SCAND3: variants seen among roughly 807,000 people sequenced by gnomAD.
The protein encoded by SCAND3 is SCAN domain-containing protein 3.
chr6:28,593,364 C>G, the SCAND3 span, among the ~76,000 whole-genome samples: 1 of 149,136 alleles, frequency 6.7e-6, no homozygotes, highest in Non-Finnish European at 1.5e-5. Flanking sequence ...TATCACTTCA[C>G]AACCATTAGA....
the SCAND3 span, among the ~76,000 whole-genome samples, chr6:28,598,661 A>C: frequency 2.0e-5 from 3 of 151,160 alleles, no homozygotes; most frequent in Non-Finnish European, 4.4e-5. Flanking sequence ...CCTGGCCAAC[A>C]TTGTGAAACC....
At chr6:28,571,748 CAT>C in the SCAND3 span, 2 of 698,478 alleles carry the variant, frequency 2.9e-6, no homozygotes, top group Non-Finnish European at 4.4e-6. Flanking sequence ...TGAAAATATA[CAT>C]ATAGGCAATT....
chr6:28,573,598 T>C, the SCAND3 span: 1 of 1,613,258 alleles, frequency 6.2e-7, no homozygotes. Context: ...AGCCAGTACA[T>C]CTCCACAAAT....
chr6:28,581,340 A>C, the SCAND3 span, among the ~76,000 whole-genome samples: 2 of 152,230 alleles, frequency 1.3e-5, no homozygotes, highest in African/African-American at 4.8e-5. Context: ...TCCATCTCAA[A>C]TAAATAAATA....
the SCAND3 span, among the ~76,000 whole-genome samples, chr6:28,599,555 A>AT: frequency 1.3e-5 from 2 of 152,190 alleles, no homozygotes; most frequent in Non-Finnish European, 2.9e-5. Context: ...TTCTCATGAT[A>AT]GTGAATAAGT....
chr6:28,590,530 G>T, the SCAND3 span: 2 of 152,254 alleles, frequency 1.3e-5, no homozygotes, highest in African/African-American at 4.8e-5. Context: ...CAAGGTGAGG[G>T]AAAGGTGTGC....
chr6:28,597,851 A>G, the SCAND3 span: 1 of 152,166 alleles, frequency 6.6e-6, no homozygotes, highest in African/African-American at 2.4e-5. Context: ...AACTACAACG[A>G]ACAATAAACC....
chr6:28,612,032 G>GT, the SCAND3 span, among the ~76,000 whole-genome samples: 2 of 150,944 alleles, frequency 1.3e-5, no homozygotes, highest in African/African-American at 4.9e-5. Context: ...GGTTTTTCTT[G>GT]TTTTTTTGTT....
the SCAND3 span, among the ~76,000 whole-genome samples, chr6:28,592,833 A>G: frequency 6.6e-6 from 1 of 152,300 alleles, no homozygotes; most frequent in African/African-American, 2.4e-5. The surrounding 1 kb of genome is among the most constrained non-coding windows in gnomAD (Gnocchi z 4.1). Context: ...TTCTTTAATA[A>G]ATGGTGATGG....
the SCAND3 span, chr6:28,579,271 C>T: frequency 6.2e-7 from 1 of 1,612,408 alleles, no homozygotes; most frequent in Non-Finnish European, 8.5e-7. This position sits in a 1 kb window ranked among gnomAD's most constrained non-coding sequence, Gnocchi z 4.5. Flanking sequence ...ATTATTCTCA[C>T]CATTATCTTG....
At chr6:28,614,222 C>A in the SCAND3 span, among the ~76,000 whole-genome samples, 2 of 152,122 alleles carry the variant, frequency 1.3e-5, no homozygotes, top group South Asian at 4.1e-4. Context: ...CCTCGGCCTC[C>A]CAAAGTGCTG....
the SCAND3 span, among the ~76,000 whole-genome samples, chr6:28,602,479 A>T: frequency 2.6e-5 from 4 of 152,230 alleles, no homozygotes; most frequent in African/African-American, 9.6e-5. Context: ...AAGTGCTGGG[A>T]TTACAGGCGT....
the SCAND3 span, chr6:28,575,615 T>C: frequency 6.2e-7 from 1 of 1,614,174 alleles, no homozygotes; most frequent in Non-Finnish European, 8.5e-7. This position sits in a 1 kb window ranked among gnomAD's most constrained non-coding sequence, Gnocchi z 4.2. Context: ...GATTTTGATG[T>C]TAGAACCTTC....
the SCAND3 span, chr6:28,587,637 G>T: frequency 2.3e-3 from 344 of 152,240 alleles, no homozygotes; most frequent in African/African-American, 7.7e-3. Flanking sequence ...GGACTACCAC[G>T]TCAGCGAATC....
At chr6:28,605,209 T>G in the SCAND3 span, among the ~76,000 whole-genome samples, 2 of 152,216 alleles carry the variant, frequency 1.3e-5, no homozygotes, top group Non-Finnish European at 1.5e-5. Context: ...GGCAGAGTTC[T>G]CACAGCTATG....
chr6:28,576,207 A>G, the SCAND3 span: 1 of 1,214,424 alleles, frequency 8.2e-7, no homozygotes, highest in Non-Finnish European at 1.1e-6. Flanking sequence ...TTGCCAAAGG[A>G]GCCAGTAGTG....
At chr6:28,587,722 T>TA in the SCAND3 span, 1 of 151,072 alleles carries the variant, frequency 6.6e-6, no homozygotes. Context: ...AAATCAGACT[T>TA]AAAAAGAAAT....
the SCAND3 span, chr6:28,575,140 G>T: frequency 2.5e-6 from 4 of 1,614,132 alleles, no homozygotes; most frequent in Non-Finnish European, 3.4e-6. This position sits in a 1 kb window ranked among gnomAD's most constrained non-coding sequence, Gnocchi z 4.2. Flanking sequence ...AGAGCTAAAT[G>T]CACTTTCACA....
chr6:28,604,871 T>A, the SCAND3 span, among the ~76,000 whole-genome samples: 1 of 152,144 alleles, frequency 6.6e-6, no homozygotes, highest in Non-Finnish European at 1.5e-5. Flanking sequence ...TAATCTTTAT[T>A]ATTAACCTTA....
Sources: gnomAD v4.1 joint callset for allele counts (sites outside exome capture counted in the v4.1 genomes callset) on GRCh38, gnomAD v4.1.1 for gene constraint, Gnocchi (gnomAD v3.1) non-coding constraint, MANE v1.5 for transcripts, NCBI Gene and HGNC (gene_info 2026-07-23, HGNC 2026-07-21) for gene names.